CACNA1E: variants seen among roughly 807,000 people sequenced by gnomAD.
CACNA1E encodes the protein calcium voltage-gated channel subunit alpha1 E, also known as voltage-dependent R-type calcium channel subunit alpha-1E.
Under a neutral mutation model 259.2 loss-of-function variants are expected in CACNA1E, and 40 were observed. The ratio of observed to expected loss-of-function variants is 0.15; its 90% confidence interval spans 0.12 to 0.20. The LOEUF (loss-of-function observed/expected upper bound fraction) is 0.20. Among genes scored for constraint, CACNA1E ranks in the 10% least tolerant of loss-of-function variants. CACNA1E has a pLI of 1.00. For missense variants in CACNA1E, 1,874 were observed against 3,040.1 expected, an observed-to-expected ratio of 0.62 and a Z score of 9.02; for synonymous variants, 1,104 against 1,138.5, an observed-to-expected ratio of 0.97 and a Z score of 0.61.
chr1:181,696,879 C>T (rs1325718242), intron 7 of CACNA1E, among the ~76,000 whole-genome samples: 1 of 152,166 alleles, frequency 6.6e-6, no homozygotes, highest in Non-Finnish European at 1.5e-5. Context: ...CTAGTGACAA[C>T]TAGTGTTTTT....
chr1:181,704,599 G>T (rs1315598101), intron 7 of CACNA1E, among the ~76,000 whole-genome samples: 2 of 152,158 alleles, frequency 1.3e-5, no homozygotes, highest in Non-Finnish European at 2.9e-5. Flanking sequence ...CAGAGTGTGT[G>T]TACGTATGCT....
At chr1:181,391,935 CTCTCTCTCTCTGTGTGTGTG>C (rs1557965747) in intron 1 of CACNA1E, among the ~76,000 whole-genome samples, 42 of 76,768 alleles carry the variant, frequency 5.5e-4, no homozygotes, top group African/African-American at 1.5e-3. Flanking sequence ...GTCTCTCTCT[CTCTCTCTCTCTGTGTGTGTG>C]TGTGTGTGTG....
chr1:181,464,757 TAGAA>T lies in CACNA1E; in HGVS notation c.435-18983_435-18980del, dbSNP rs533823922. Among the ~76,000 whole-genome samples the T allele has an allele frequency of 5.9e-3, 905 of 152,272 alleles. 6 individuals are homozygous for T. The highest frequency in any genetic ancestry group is 0.021 in the African/African-American group (861 of 41,578). The stretch of plus-strand genomic sequence containing the variant: ...CCAGTACTTCAAGTCCAATACTGAA[TAGAA>T]AGAGTTTCAGTGGGTGTCCTAGACT... On this transcript the variant is annotated intron_variant, in intron 2 of 11. Transcript: ENST00000524607.
intron 2 of CACNA1E, among the ~76,000 whole-genome samples, chr1:181,472,750 T>C (rs1164631726): frequency 6.6e-6 from 1 of 152,226 alleles, no homozygotes; most frequent in Non-Finnish European, 1.5e-5. Context: ...CTTGAGGTAT[T>C]GCTTCTTTTA....
At chr1:181,489,175 A>G (rs555856477) in intron 1 of CACNA1E, among the ~76,000 whole-genome samples, 1 of 152,288 alleles carries the variant, frequency 6.6e-6, no homozygotes, top group South Asian at 2.1e-4. Flanking sequence ...TTTGCTTATC[A>G]CTGACCACAA....
chr1:181,648,585 G>A (rs1275606635), intron 6 of CACNA1E, among the ~76,000 whole-genome samples: 1 of 152,110 alleles, frequency 6.6e-6, no homozygotes, highest in Non-Finnish European at 1.5e-5. Flanking sequence ...ATAATCTGCT[G>A]TTTCCCAAAT....
chr1:181,327,577 T>C (rs1447385068), intron 1 of CACNA1E, among the ~76,000 whole-genome samples: 1 of 152,160 alleles, frequency 6.6e-6, no homozygotes, highest in Non-Finnish European at 1.5e-5. Context: ...GTATTTCAGT[T>C]ATCACTGTAT....
At chr1:181,383,083 G>A (rs1655578897) in intron 1 of CACNA1E, among the ~76,000 whole-genome samples, 1 of 152,192 alleles carries the variant, frequency 6.6e-6, no homozygotes, top group Admixed American at 6.5e-5. Context: ...ATATTGTAAT[G>A]TGTTCTCCTT....
Position 181,798,953 on chromosome 1 carries a change from T to A in CACNA1E, c.*119T>A. 1.1e-6 allele frequency: 1 copy of A among 869,964 alleles called. No homozygotes were observed. Among genetic ancestry groups the A allele is most frequent in the Non-Finnish European group, 1.7e-6 (1 of 602,524 alleles). 53.9% of individuals were successfully genotyped at this position (869,964 alleles called of 1,614,324 possible). ...GGAAAAGGAAGATGGAAGGACACCA[T>A]GCATTATCAGAGAAGAGGAAGTAAA... On this transcript the variant is annotated 3_prime_UTR_variant, in exon 48 of 48. Coordinates refer to ENST00000367573, the MANE Select transcript of CACNA1E (RefSeq NM_001205293.3). This position sits in a 1 kb window ranked among gnomAD's most constrained non-coding sequence, Gnocchi z 4.2.
chr1:181,786,815 T>C (rs1361471271), intron 43 of CACNA1E, among the ~76,000 whole-genome samples: 1 of 152,212 alleles, frequency 6.6e-6, no homozygotes, highest in East Asian at 1.9e-4. Context: ...ATGAGACTTC[T>C]GTCGGAGTCA....
intron 43 of CACNA1E, 60 bp from the exon 44 acceptor site, chr1:181,790,385 T>G (rs2102869181): frequency 9.6e-7 from 1 of 1,045,796 alleles, no homozygotes; most frequent in African/African-American, 1.6e-5. Flanking sequence ...CCTGCTGGGG[T>G]GGGAATTGCT....
In CACNA1E at chr1:181,719,666, A is replaced by C. The variant is rs1246603431; in HGVS notation, c.1639-85A>C. On this transcript the variant is annotated intron_variant, in intron 12 of 47. Coordinates refer to ENST00000367573, the MANE Select transcript of CACNA1E (RefSeq NM_001205293.3). ...TTTTATTTCCCCATCCCCCACTGAGAGCTGTTGATGGTGTGCTGGGCGCTA... is the reference window on the plus strand; with the variant it reads ...TTTTATTTCCCCATCCCCCACTGAGCGCTGTTGATGGTGTGCTGGGCGCTA... The C allele has an allele frequency of 6.4e-6, 4 of 626,268 alleles. No individual in the cohort carries two copies. The East Asian group carries it at 1.2e-4, about 18-fold the overall frequency. 38.8% of individuals were successfully genotyped at this position (626,268 alleles called of 1,614,324 possible).
intron 2 of CACNA1E, among the ~76,000 whole-genome samples, chr1:181,464,132 T>A (rs1571929809): frequency 6.6e-6 from 1 of 152,126 alleles, no homozygotes; most frequent in African/African-American, 2.4e-5. Context: ...CTCTCACCCA[T>A]GTCTCACTAA....
At chr1:181,574,122 C>G (rs1440936709) in intron 3 of CACNA1E, among the ~76,000 whole-genome samples, 4 of 152,086 alleles carry the variant, frequency 2.6e-5, no homozygotes, top group Non-Finnish European at 5.9e-5. Context: ...ACTGGGGCCT[C>G]TCACGGGTAA....
At chr1:181,585,791 G>A (rs1652002218) in intron 6 of CACNA1E, among the ~76,000 whole-genome samples, 1 of 152,210 alleles carries the variant, frequency 6.6e-6, no homozygotes. Context: ...TTGAAGAACA[G>A]CAAAGAGCAC....
intron 21 of CACNA1E, among the ~76,000 whole-genome samples, chr1:181,734,350 A>C (rs967432557): frequency 1.3e-5 from 2 of 151,962 alleles, no homozygotes; most frequent in African/African-American, 2.4e-5. Flanking sequence ...AATGTTAATC[A>C]ATGGTGTCCT....
At chr1:181,569,634 AC>A (rs573983008) in intron 3 of CACNA1E, among the ~76,000 whole-genome samples, 3 of 152,206 alleles carry the variant, frequency 2.0e-5, no homozygotes, top group South Asian at 4.1e-4. Context: ...ATGTGGCTAC[AC>A]CCCCTTTAAT....
intron 44 of CACNA1E, among the ~76,000 whole-genome samples, chr1:181,792,709 A>T (rs1661433089): frequency 6.6e-6 from 1 of 152,214 alleles, no homozygotes; most frequent in Admixed American, 6.5e-5. Context: ...CTAAATATAA[A>T]ATAGCTTTTT....
intron 18 of CACNA1E, among the ~76,000 whole-genome samples, chr1:181,727,426 C>T (rs1334873641): frequency 1.3e-5 from 2 of 152,250 alleles, no homozygotes; most frequent in African/African-American, 4.8e-5. Context: ...AAAGGGACCA[C>T]TGCATATGGC....
Sources: gnomAD v4.1 joint callset for allele counts (sites outside exome capture counted in the v4.1 genomes callset) on GRCh38, gnomAD v4.1.1 for gene constraint, Gnocchi (gnomAD v3.1) non-coding constraint, MANE v1.5 for transcripts, NCBI Gene and HGNC (gene_info 2026-07-23, HGNC 2026-07-21) for gene names.